Variants in PKD2L1 observed in about 807,000 individuals in gnomAD.
The protein encoded by PKD2L1 is polycystin-2-like protein 1.
A neutral mutation model predicts 93.0 loss-of-function variants in PKD2L1; 77 were observed. The observed-to-expected ratio is 0.83, with a 90% CI of 0.69 to 1.00. The LOEUF (loss-of-function observed/expected upper bound fraction) is 1.00, where lower values mean the gene tolerates loss of function less well. PKD2L1 is among the 50% of genes least tolerant of loss of function. PKD2L1 has a pLI of 0.00. For synonymous variants in PKD2L1, 390 were observed against 388.0 expected, an observed-to-expected ratio of 1.01 and a Z score of -0.06; for missense variants, 977 against 990.9, an observed-to-expected ratio of 0.99 and a Z score of 0.19.
At position 100,330,016 on chromosome 10, in the gene PKD2L1, A is replaced by C. The variant is rs200628537; in HGVS notation, c.88T>G (p.Ser30Ala). 6 of 1,613,418 alleles carry C rather than the reference A, an allele frequency of 3.7e-6. No individual in the cohort carries two copies. The highest frequency in any genetic ancestry group is 5.1e-6 in the Non-Finnish European group (6 of 1,179,668). Residue 30 changes from serine (S) to alanine (A), a missense_variant, in exon 1 of 16, where the codon TCC (serine) becomes GCC (alanine). By Grantham distance (99) the Ser-to-Ala change is moderately conservative. Transcript: ENST00000318222. Reference sequence around the variant, plus strand: ...CAGACTCTCAGCGTCCCGTGTGGGGAAGGGGGACCACTGTAGGCGGGGTTG... The same window carrying C: ...CAGACTCTCAGCGTCCCGTGTGGGGCAGGGGGACCACTGTAGGCGGGGTTG... ...WDNPAYSGPP[S>A]PHGTLRVCTI...
At chr10:100,292,444 G>A (rs1848424682) in intron 11 of PKD2L1, among the ~76,000 whole-genome samples, 1 of 151,108 alleles carries the variant, frequency 6.6e-6, no homozygotes, top group Admixed American at 6.6e-5. Flanking sequence ...AGTGAGCCGA[G>A]ATTGTGCAAC....
rs182827891 is a variant in PKD2L1, at chr10:100,289,490, G to A, written c.2251-434C>T. 1.9e-3 allele frequency among the ~76,000 whole-genome samples: 291 copies of A among 152,298 alleles called. 2 individuals carry two copies. The highest frequency in any genetic ancestry group is 4.6e-4 in the Non-Finnish European group (31 of 68,024). ...GGAGGCGGAGGTTGCAGTGAGCCGA[G>A]ATCGTGCCATTGCACTCCAGCCTGG... On this transcript the variant is annotated intron_variant, in intron 14 of 15. Coordinates refer to ENST00000318222, the MANE Select transcript of PKD2L1 (RefSeq NM_016112.3).
At chr10:100,295,218 CAAGCCAGACA>C in intron 7 of PKD2L1, 95 bp from the exon 8 acceptor site, 1 of 906,096 alleles carries the variant, frequency 1.1e-6, no homozygotes, top group South Asian at 1.6e-5. Flanking sequence ...CAGGAGTTGC[CAAGCCAGACA>C]AAGAAAATGA....
At chr10:100,294,388 A>G in intron 9 of PKD2L1, 147 bp downstream of exon 9, 1 of 817,772 alleles carries the variant, frequency 1.2e-6, no homozygotes, top group South Asian at 1.6e-5. Flanking sequence ...TACATTAACC[A>G]TCTCTCAGAA....
At chr10:100,325,950 C>A (rs1252033301) in intron 2 of PKD2L1, among the ~76,000 whole-genome samples, 2 of 152,180 alleles carry the variant, frequency 1.3e-5, no homozygotes, top group Non-Finnish European at 2.9e-5. Context: ...ATTGGGGAAG[C>A]GCCAGACCTT....
intron 2 of PKD2L1, among the ~76,000 whole-genome samples, chr10:100,319,507 C>T (rs997093852): frequency 1.8e-4 from 27 of 152,216 alleles, no homozygotes; most frequent in African/African-American, 4.3e-4. Context: ...CAGCCACAGA[C>T]GCTTTCTGAA....
At chr10:100,314,968 AAGGAAGGAAGGAAG>A (rs1849038205) in intron 2 of PKD2L1, among the ~76,000 whole-genome samples, 1 of 13,388 alleles carries the variant, frequency 7.5e-5, no homozygotes, top group Non-Finnish European at 1.3e-4. Flanking sequence ...AGAAAGAAGG[AAGGAAGGAAGGAAG>A]GAAGGAAGGA....
chr10:100,329,286 T>C lies in PKD2L1; in HGVS notation c.274A>G (p.Asn92Asp), dbSNP rs1480980563. ...GTTLTENTAE[N>D]RELYIKTTLR... ...GTGGTCTTGATATAAAGTTCCCGGT[T>C]CTCAGCTGTGTTCTCAGTCAGGGTT... The change falls in exon 2 of 16, where the codon AAC (asparagine) becomes GAC (aspartate). Residue 92 changes from asparagine (N) to aspartate (D), a missense_variant. Physicochemically the swap from Asn to Asp is conservative, Grantham distance 23 (BLOSUM62 1). Coordinates refer to ENST00000318222, the MANE Select transcript of PKD2L1 (RefSeq NM_016112.3). 1.2e-6 allele frequency: 2 copies of C among 1,614,032 alleles called. No homozygotes were observed. The highest frequency in any genetic ancestry group is 1.7e-5 in the Admixed American group (1 of 60,004).
At chr10:100,306,773 C>A (rs1444706207) in intron 2 of PKD2L1, among the ~76,000 whole-genome samples, 5 of 141,670 alleles carry the variant, frequency 3.5e-5, no homozygotes, top group African/African-American at 1.0e-4. Context: ...AGGAAGATCA[C>A]CCGAGCCTTA....
chr10:100,303,345 C>T (rs988992220), intron 2 of PKD2L1, among the ~76,000 whole-genome samples: 4 of 152,086 alleles, frequency 2.6e-5, no homozygotes, highest in Non-Finnish European at 5.9e-5. Context: ...AGGCATGCAG[C>T]ACGACGCCCG....
intron 14 of PKD2L1, among the ~76,000 whole-genome samples, chr10:100,289,458 G>C (rs1229001096): frequency 6.6e-6 from 1 of 152,184 alleles, no homozygotes; most frequent in African/African-American, 2.4e-5. Context: ...AGAATCACTT[G>C]AACTCAGGAG....
At chr10:100,298,486 G>T in intron 4 of PKD2L1, 76 bp downstream of exon 4, 2 of 1,468,808 alleles carry the variant, frequency 1.4e-6, no homozygotes, top group Non-Finnish European at 9.3e-7. Context: ...CTCAGTGGAA[G>T]TGGTTCCCAG....
At position 100,310,290 on chromosome 10, in the gene PKD2L1, G is replaced by A. The variant is rs1254107845; in HGVS notation, c.350-10572C>T. On this transcript the variant is annotated intron_variant, in intron 2 of 15. Coordinates refer to ENST00000318222, the MANE Select transcript of PKD2L1 (RefSeq NM_016112.3). Reference sequence around the variant, plus strand: ...CTGAGGCTGCACCACCATGAGCTGTGTATGCGCCACCACACTCCAGTCTGG... The same window carrying A: ...CTGAGGCTGCACCACCATGAGCTGTATATGCGCCACCACACTCCAGTCTGG... 2.0e-5 allele frequency among the ~76,000 whole-genome samples: 3 copies of A among 152,160 alleles called. No homozygotes were observed. The East Asian group carries it at 5.8e-4, about 29-fold the overall frequency.
At chr10:100,312,385 AGTT>A (rs1015781665) in intron 2 of PKD2L1, among the ~76,000 whole-genome samples, 2 of 152,330 alleles carry the variant, frequency 1.3e-5, no homozygotes, top group Non-Finnish European at 2.9e-5. Flanking sequence ...AGCTTTTATG[AGTT>A]GCTGTTGAAG....
At chr10:100,310,109 G>T (rs1848899865) in intron 2 of PKD2L1, among the ~76,000 whole-genome samples, 1 of 152,184 alleles carries the variant, frequency 6.6e-6, no homozygotes, top group Non-Finnish European at 1.5e-5. Flanking sequence ...CAAGGCGGGA[G>T]GATTGCTTGA....
In PKD2L1 at chr10:100,292,353, GT is replaced by G. The variant is rs1848422525; in HGVS notation, c.1880+594del. On this transcript the variant is annotated intron_variant, in intron 11 of 15. Transcript: ENST00000318222. ...CCAAAAATACAAAAATTAGCCGGGC[GT>G]GGTGGCACATGACTGTAGTCCCAGC... 7.9e-5 allele frequency among the ~76,000 whole-genome samples: 12 copies of G among 152,152 alleles called. 1 individual carries two copies. In the South Asian group the frequency reaches 2.5e-3, roughly 32 times the overall value.
rs765684373 is a variant in PKD2L1 at position 100,291,391 on chromosome 10, C to T, written c.1917G>A (p.Thr639=). ...GHAEHEITEL[T]ATFTKFDRDG... The stretch of plus-strand genomic sequence containing the variant: ...CTCTGTCAAACTTGGTGAAGGTGGC[C>T]GTGAGCTCAGTGATTTCATGCTCTG... Residue 639 remains threonine (T), a synonymous_variant, in exon 12 of 16, where the codon ACG becomes ACA. Transcript: ENST00000318222. 3.1e-6 allele frequency: 5 copies of T among 1,613,882 alleles called. No individual in the cohort carries two copies. The highest frequency in any genetic ancestry group is 3.3e-5 in the Admixed American group (2 of 59,990).
At chr10:100,313,874 C>T (rs1848990625) in intron 2 of PKD2L1, among the ~76,000 whole-genome samples, 1 of 152,152 alleles carries the variant, frequency 6.6e-6, no homozygotes, top group Non-Finnish European at 1.5e-5. Context: ...GATACATCAC[C>T]TTCTTTACCA....
Position 100,314,988 on chromosome 10 carries a change from AAGGAAGGAAGGAAGGAAGGAAGGAAGGG to A in PKD2L1, c.349+14195_349+14222del. ...GAAGGAAGGAAGGAAGGAAGGAAGG[AAGGAAGGAAGGAAGGAAGGAAGGAAGGG>A]AAGGGAAGGGAAGGGAAGGGAAGGG... On this transcript the variant is annotated intron_variant, in intron 2 of 15. Coordinates refer to ENST00000318222, the MANE Select transcript of PKD2L1 (RefSeq NM_016112.3). Among the ~76,000 whole-genome samples, 17 of 13,898 alleles carry A rather than the reference AAGGAAGGAAGGAAGGAAGGAAGGAAGGG, an allele frequency of 1.2e-3. No individual in the cohort carries two copies. The South Asian group carries it at 0.014, about 11-fold the overall frequency. The allele number at this position is 13,898 out of a possible 152,430, so 9.1% of individuals were successfully genotyped here. A position where few individuals can be genotyped will look rare whatever the true frequency, so the allele number is the denominator to read the frequency against.
Sources: allele counts gnomAD v4.1 joint callset (sites outside exome capture counted in the v4.1 genomes callset), GRCh38; gene constraint gnomAD v4.1.1; transcripts MANE v1.5; gene names NCBI Gene and HGNC (gene_info 2026-07-23, HGNC 2026-07-21).